The following SDK1 variants were observed in gnomAD, a reference collection of about 807,000 sequenced individuals.
SDK1 encodes sidekick cell adhesion molecule 1, also known as protein sidekick-1.
SDK1 carries 157 observed loss-of-function variants against 245.5 expected under a neutral mutation model. The ratio of observed to expected loss-of-function variants is 0.64; its 90% CI spans 0.56 to 0.73. SDK1 has a LOEUF of 0.73. SDK1 is among the 30% of genes least tolerant of loss of function. The probability of loss-of-function intolerance (pLI) is 0.00; values close to 1 mark genes in which losing one functional copy is unlikely to be tolerated. For missense variants in SDK1, 3,583 were observed against 3,002.3 expected (o/e 1.19, Z -4.52); for synonymous variants, 1,647 against 1,278.5 (o/e 1.29, Z -6.15).
intron 1 of SDK1, among the ~76,000 whole-genome samples, chr7:3,509,506 GC>G (rs1429129042): frequency 1.3e-5 from 2 of 152,172 alleles, no homozygotes; most frequent in Non-Finnish European, 2.9e-5. Flanking sequence ...CTATGTAGGG[GC>G]TTATTAAATA....
intron 1 of SDK1, among the ~76,000 whole-genome samples, chr7:3,551,049 A>G (rs975429754): frequency 5.3e-5 from 8 of 152,212 alleles, no homozygotes; most frequent in Non-Finnish European, 7.3e-5. Flanking sequence ...AGATTAACCT[A>G]TTTAAGGACC....
At chr7:3,779,012 C>G (rs1247644824) in intron 4 of SDK1, among the ~76,000 whole-genome samples, 1 of 152,164 alleles carries the variant, frequency 6.6e-6, no homozygotes, top group Non-Finnish European at 1.5e-5. Flanking sequence ...TTGCATGACA[C>G]TTTAATTGAA....
At chr7:4,088,298 A>G (rs953132978) in intron 22 of SDK1, among the ~76,000 whole-genome samples, 2 of 151,978 alleles carry the variant, frequency 1.3e-5, no homozygotes, top group East Asian at 1.9e-4. Flanking sequence ...TGAATTTTTT[A>G]TATTCTTTCT....
At chr7:4,199,576 C>T (rs1338895970) in intron 35 of SDK1, among the ~76,000 whole-genome samples, 1 of 152,216 alleles carries the variant, frequency 6.6e-6, no homozygotes, top group Non-Finnish European at 1.5e-5. Context: ...CCTCATCCTC[C>T]TTTTCCTATG....
At chr7:3,883,050 AG>A (rs1307920537) in intron 5 of SDK1, among the ~76,000 whole-genome samples, 4 of 152,094 alleles carry the variant, frequency 2.6e-5, no homozygotes, top group African/African-American at 9.7e-5. Context: ...TGCCACACTG[AG>A]TTATTGGTGC....
At chr7:3,940,009 A>G (rs962669067) in intron 5 of SDK1, among the ~76,000 whole-genome samples, 4 of 152,380 alleles carry the variant, frequency 2.6e-5, no homozygotes, top group Admixed American at 2.0e-4. Flanking sequence ...CAAGGCCAGG[A>G]AAGACTCACC....
intron 35 of SDK1, among the ~76,000 whole-genome samples, chr7:4,196,691 A>G (rs1783597240): frequency 6.6e-6 from 1 of 152,176 alleles, no homozygotes; most frequent in African/African-American, 2.4e-5. Flanking sequence ...GCCCACCCTG[A>G]GGGCTGGAAT....
At chr7:4,028,262 T>C (rs1787515186) in intron 17 of SDK1, among the ~76,000 whole-genome samples, 1 of 152,096 alleles carries the variant, frequency 6.6e-6, no homozygotes, top group Non-Finnish European at 1.5e-5. Flanking sequence ...CTTTAGGCAT[T>C]GATAGGTAGA....
intron 35 of SDK1, among the ~76,000 whole-genome samples, chr7:4,196,601 G>T (rs1245406549): frequency 1.3e-5 from 2 of 152,128 alleles, no homozygotes; most frequent in East Asian, 1.9e-4. Flanking sequence ...CTGGCCAGGG[G>T]AGCCCTCCTA....
chr7:4,105,924 G>A (rs1033263456), intron 22 of SDK1, among the ~76,000 whole-genome samples: 1 of 152,200 alleles, frequency 6.6e-6, no homozygotes, highest in Non-Finnish European at 1.5e-5. Flanking sequence ...GCAGGAGGAA[G>A]TGCAGGCAGA....
At chr7:3,338,647 A>T (rs1235420496) in intron 1 of SDK1, 1 of 204,760 alleles carries the variant, frequency 4.9e-6, no homozygotes, top group Non-Finnish European at 9.8e-6. Flanking sequence ...AAAACACCAA[A>T]ACAAGAAAAT....
Position 3,580,997 on chromosome 7 carries a change from AAAAC to A in SDK1, c.299-38079_299-38076del, listed in dbSNP as rs1461623088. Among the ~76,000 whole-genome samples, 20 of 71,548 alleles carry A rather than the reference AAAAC, an allele frequency of 2.8e-4. 2 individuals carry two copies. The highest frequency in any genetic ancestry group is 9.2e-4 in the Admixed American group (5 of 5,454). The allele number at this position is 71,548 out of a possible 152,430, so 46.9% of individuals were successfully genotyped here. A position where few individuals can be genotyped will look rare whatever the true frequency, so the allele number is the denominator to read the frequency against. ...AAAAAAAAAAAAAAAAAAAAAAACC[AAAAC>A]AAAACCCTGGAAGACAATCTATGCA... is the stretch of plus-strand genomic sequence containing the variant. On this transcript the variant is annotated intron_variant, in intron 1 of 44. Transcript: ENST00000404826.
intron 1 of SDK1, among the ~76,000 whole-genome samples, chr7:3,586,704 CA>C (rs57309941): frequency 0.19 from 15,761 of 82,102 alleles, 809 homozygotes; most frequent in Middle Eastern, 0.34. Context: ...GACTCCGTCT[CA>C]AAAAAAAAAA....
chr7:3,343,002 G>GA (rs59587479), intron 1 of SDK1, among the ~76,000 whole-genome samples: 85,455 of 137,866 alleles, frequency 0.62, 26,862 homozygotes, highest in South Asian at 0.73. Flanking sequence ...CTAAATGGCT[G>GA]AAAAAAAAAA....
Position 4,209,679 on chromosome 7 carries a change from GCTT to G in SDK1, c.5402-343_5402-341del, listed in dbSNP as rs755755620. Among the ~76,000 whole-genome samples the G allele has an allele frequency of 1.7e-3, 260 of 152,158 alleles. 1 individual carries two copies. The highest frequency in any genetic ancestry group is 2.7e-3 in the Admixed American group (41 of 15,312). On this transcript the variant is annotated intron_variant, in intron 37 of 44. Transcript: ENST00000404826. ...CTCTCCGGCAAAGAGCAGGACTAGA[GCTT>G]CTGGAATCCTCCAGCAGTTGCTAGA...
rs771391710 is a variant in SDK1, at chr7:3,821,454, A to G, written c.718A>G (p.Ile240Val). The change falls in exon 5 of 45, where the codon ATC (isoleucine) becomes GTC (valine). Residue 240 changes from isoleucine to valine, a missense_variant. Ile to Val is a conservative substitution (Grantham distance 29). Transcript: ENST00000404826. The stretch of plus-strand genomic sequence containing the variant: ...TCCTCTTCTTTTCTGAAACAGAGCC[A>G]TCACATTGGAGAATCAGCTGGTGAT... ...HKIIPSNRIA[I>V]TLENQLVILA... 18 of 1,613,214 alleles carry G rather than the reference A, an allele frequency of 1.1e-5. No homozygotes were observed. The highest frequency in any genetic ancestry group is 1.4e-5 in the Non-Finnish European group (16 of 1,179,674).
At chr7:3,331,745 C>T (rs1780074166) in intron 1 of SDK1, among the ~76,000 whole-genome samples, 2 of 151,980 alleles carry the variant, frequency 1.3e-5, no homozygotes, top group Non-Finnish European at 2.9e-5. Flanking sequence ...ACACAGTCAA[C>T]ATTTTTTTTT....
intron 1 of SDK1, among the ~76,000 whole-genome samples, chr7:3,409,450 T>C (rs1445583475): frequency 1.3e-5 from 2 of 152,206 alleles, no homozygotes; most frequent in African/African-American, 4.8e-5. Context: ...CACCCTTGGC[T>C]GACTTTCACC....
At chr7:3,442,199 G>C (rs954180943) in intron 1 of SDK1, among the ~76,000 whole-genome samples, 1 of 152,202 alleles carries the variant, frequency 6.6e-6, no homozygotes, top group Admixed American at 6.5e-5. Context: ...GAAGGAAAGA[G>C]ATCAGGGTGC....
Sources: allele counts gnomAD v4.1 joint callset (sites outside exome capture counted in the v4.1 genomes callset), GRCh38; gene constraint gnomAD v4.1.1; transcripts MANE v1.5; gene names NCBI Gene and HGNC (gene_info 2026-07-23, HGNC 2026-07-21).